ST3GAL4: variants seen among roughly 807,000 people sequenced by gnomAD.
The protein encoded by ST3GAL4 is ST3 beta-galactoside alpha-2,3-sialyltransferase 4.
In ST3GAL4, 24 loss-of-function variants were observed where a neutral mutation model predicts 42.6. The observed-to-expected ratio is 0.56, with a 90% CI of 0.41 to 0.79. ST3GAL4 has a LOEUF of 0.79. ST3GAL4 is among the 30% of genes least tolerant of loss of function. The probability of loss-of-function intolerance (pLI) is 0.00; values close to 1 mark genes in which losing one functional copy is unlikely to be tolerated. For synonymous variants in ST3GAL4, 135 were observed against 163.2 expected, an observed-to-expected ratio of 0.83 and a Z score of 1.32; for missense variants, 311 against 430.8, an observed-to-expected ratio of 0.72 and a Z score of 2.46.
At chr11:126,371,163 CTTTTTTTTTT>C (rs551443393) in intron 1 of ST3GAL4, among the ~76,000 whole-genome samples, 1 of 59,974 alleles carries the variant, frequency 1.7e-5, no homozygotes, top group African/African-American at 7.1e-5. Flanking sequence ...CCCCACATTC[CTTTTTTTTTT>C]TTTTTTTTTG....
chr11:126,390,723 A>T (rs991190518), intron 1 of ST3GAL4, among the ~76,000 whole-genome samples: 1 of 149,666 alleles, frequency 6.7e-6, no homozygotes, highest in Admixed American at 6.8e-5. Flanking sequence ...CTGTGTGTAT[A>T]GTGCAGTGGC....
chr11:126,406,781 C>A lies in ST3GAL4; in HGVS notation c.102-162C>A, dbSNP rs1452929336. On this transcript the variant is annotated intron_variant, in intron 3 of 10. Coordinates refer to ENST00000444328, the MANE Select transcript of ST3GAL4 (RefSeq NM_001254757.2). This position sits in a 1 kb window ranked among gnomAD's most constrained non-coding sequence, Gnocchi z 5.4. ...CCCAGGGAGTGCAGGGGCAGGAAGA[C>A]CTGGATCCTCAAGGACTTGGGTTCC... 1.3e-5 allele frequency: 12 copies of A among 931,182 alleles called. No homozygotes were observed. The highest frequency in any genetic ancestry group is 1.3e-5 in the Non-Finnish European group (8 of 612,936). 57.7% of individuals were successfully genotyped at this position (931,182 alleles called of 1,614,324 possible).
intron 1 of ST3GAL4, among the ~76,000 whole-genome samples, chr11:126,368,882 A>G (rs1255580874): frequency 6.6e-6 from 1 of 152,112 alleles, no homozygotes; most frequent in Non-Finnish European, 1.5e-5. Context: ...GCTAATCTCT[A>G]CAGCACTTTC....
intron 1 of ST3GAL4, among the ~76,000 whole-genome samples, chr11:126,387,260 T>C (rs1953261279): frequency 6.6e-6 from 1 of 152,246 alleles, no homozygotes; most frequent in Admixed American, 6.5e-5. Context: ...AAAGGTCGTT[T>C]GCACTCACAC....
At position 126,413,642 on chromosome 11, in the gene ST3GAL4, C is replaced by T. The variant is rs1320544407; in HGVS notation, c.909C>T (p.Ser303=). The change falls in exon 10 of 11, where the codon TCC becomes TCT. Residue 303 remains serine, a synonymous_variant. Coordinates refer to ENST00000444328, the MANE Select transcript of ST3GAL4 (RefSeq NM_001254757.2). ...IHYYEQITLK[S]MAGSGHNVSQ... is the part of the protein sequence containing the mutation. ...ACTATGAGCAGATCACGCTCAAGTCCATGGCGGTAAGTGCCTGGCTTGTGA... is the reference window on the plus strand; with the variant it reads ...ACTATGAGCAGATCACGCTCAAGTCTATGGCGGTAAGTGCCTGGCTTGTGA... 1.9e-6 allele frequency: 3 copies of T among 1,614,048 alleles called. No homozygotes were observed. The highest frequency in any genetic ancestry group is 2.5e-6 in the Non-Finnish European group (3 of 1,179,996).
At chr11:126,361,070 G>A (rs1591409492) in intron 1 of ST3GAL4, among the ~76,000 whole-genome samples, 1 of 152,106 alleles carries the variant, frequency 6.6e-6, no homozygotes, top group African/African-American at 2.4e-5. Context: ...CCACAGGGTC[G>A]GCTGGCCACA....
At position 126,409,011 on chromosome 11, in the gene ST3GAL4, TCCATGGTTTA is replaced by T. The variant is rs1954397403; in HGVS notation, c.628-256_628-247del. Among the ~76,000 whole-genome samples the T allele has an allele frequency of 6.6e-6, 1 of 152,192 alleles. No individual in the cohort carries two copies. Among genetic ancestry groups the T allele is most frequent in the Non-Finnish European group, 1.5e-5 (1 of 68,034 alleles). ...CCTGTGTGGATGTTCTTGGAAGTGGTCCATGGTTTAGACCCTCCACTCTATACACCTGGTC... is the reference window on the plus strand; with the variant it reads ...CCTGTGTGGATGTTCTTGGAAGTGGTGACCCTCCACTCTATACACCTGGTC... On this transcript the variant is annotated intron_variant, in intron 8 of 10. Transcript: ENST00000444328. The surrounding 1 kb of genome is among the most constrained non-coding windows in gnomAD (Gnocchi z 4.9).
At position 126,409,339 on chromosome 11, in the gene ST3GAL4, C is replaced by A; in HGVS notation, c.699C>A (p.Asn233Lys). Residue 233 changes from asparagine (N) to lysine (K), a missense_variant, in exon 9 of 11, where the codon AAC (asparagine) becomes AAA (lysine). By Grantham distance (94) the Asn-to-Lys change is moderately conservative. Transcript: ENST00000444328. The surrounding 1 kb of genome is among the most constrained non-coding windows in gnomAD (Gnocchi z 4.9). The stretch of plus-strand genomic sequence containing the variant: ...ATCCTAAACAGATTCGGATTCTCAA[C>A]CCCTTCTTCATGGAGATTGCAGCTG... ...DVNPKQIRIL[N>K]PFFMEIAADK... 6.2e-7 allele frequency: 1 copy of A among 1,614,226 alleles called. No homozygotes were observed.
rs565410017 is a variant in ST3GAL4, at chr11:126,359,297, TA to T, written c.-61+3469del. ...TATTAAAAGCCTGGCCCAATAAACT[TA>T]AAAAAAAAAAAAAGATGTGCTAGAC... On this transcript the variant is annotated intron_variant, in intron 1 of 10. Coordinates refer to ENST00000444328, the MANE Select transcript of ST3GAL4 (RefSeq NM_001254757.2). The surrounding 1 kb of genome is among the most constrained non-coding windows in gnomAD (Gnocchi z 4.8). 7.8e-3 allele frequency among the ~76,000 whole-genome samples: 1,099 copies of T among 140,632 alleles called. 1 individual carries two copies. The highest frequency in any genetic ancestry group is 9.8e-3 in the Non-Finnish European group (627 of 64,068). The allele number at this position is 140,632 out of a possible 152,430, so 92.3% of individuals were successfully genotyped here.
At position 126,363,743 on chromosome 11, in the gene ST3GAL4, CTT is replaced by C. The variant is rs1349303558; in HGVS notation, c.-61+7902_-61+7903del. Among the ~76,000 whole-genome samples the C allele has an allele frequency of 1.3e-5, 2 of 152,202 alleles. No individual in the cohort carries two copies. Among genetic ancestry groups the C allele is most frequent in the Non-Finnish European group, 2.9e-5 (2 of 68,024 alleles). On this transcript the variant is annotated intron_variant, in intron 1 of 10. Coordinates refer to ENST00000444328, the MANE Select transcript of ST3GAL4 (RefSeq NM_001254757.2). The surrounding 1 kb of genome is among the most constrained non-coding windows in gnomAD (Gnocchi z 4.6). ...ACCTGAACCCTCCACCCTCCTCTCT[CTT>C]GAGCTCTTTCTCCCAGGGGAAGCTG... is the stretch of plus-strand genomic sequence containing the variant.
rs555032192 is a variant in ST3GAL4, at chr11:126,406,103, G to C, written c.-53G>C. 2 of 1,551,596 alleles carry C rather than the reference G, an allele frequency of 1.3e-6. No individual in the cohort carries two copies. The highest frequency in any genetic ancestry group is 8.7e-7 in the Non-Finnish European group (1 of 1,147,024). On this transcript the variant is annotated 5_prime_UTR_variant, in exon 2 of 11. Coordinates refer to ENST00000444328, the MANE Select transcript of ST3GAL4 (RefSeq NM_001254757.2). This position sits in a 1 kb window ranked among gnomAD's most constrained non-coding sequence, Gnocchi z 5.4. The stretch of plus-strand genomic sequence containing the variant: ...GTGGCTCTTATTTCCTAGGTGGCCC[G>C]AGGCAGCCGGGATGACAGCTCTCCC...
At chr11:126,369,931 T>C (rs1952580594) in intron 1 of ST3GAL4, among the ~76,000 whole-genome samples, 1 of 152,232 alleles carries the variant, frequency 6.6e-6, no homozygotes, top group Non-Finnish European at 1.5e-5. Flanking sequence ...ACCTGCCTTT[T>C]ACATCTTAAT....
Position 126,398,077 on chromosome 11 carries a change from T to C in ST3GAL4, c.-60-8019T>C, listed in dbSNP as rs753874262. Among the ~76,000 whole-genome samples, 2 of 152,224 alleles carry C rather than the reference T, an allele frequency of 1.3e-5. No homozygotes were observed. Among genetic ancestry groups the C allele is most frequent in the Non-Finnish European group, 2.9e-5 (2 of 68,042 alleles). On this transcript the variant is annotated intron_variant, in intron 1 of 10. Coordinates refer to ENST00000444328, the MANE Select transcript of ST3GAL4 (RefSeq NM_001254757.2). The surrounding 1 kb of genome is among the most constrained non-coding windows in gnomAD (Gnocchi z 4.7). Reference sequence around the variant, plus strand: ...TCTTACCTATAATCCCAAATTCTTATTTGTTTCAGCACCACATTAAAAGTC... The same window carrying C: ...TCTTACCTATAATCCCAAATTCTTACTTGTTTCAGCACCACATTAAAAGTC...
In ST3GAL4 at chr11:126,392,332, AT is replaced by A; in HGVS notation, c.-60-13763del. 1.0e-6 allele frequency: 1 copy of A among 985,892 alleles called. No homozygotes were observed. 61.1% of individuals were successfully genotyped at this position (985,892 alleles called of 1,614,324 possible). A position where few individuals can be genotyped will look rare whatever the true frequency, so the allele number is the denominator to read the frequency against. On this transcript the variant is annotated intron_variant, in intron 1 of 10. Coordinates refer to ENST00000444328, the MANE Select transcript of ST3GAL4 (RefSeq NM_001254757.2). The surrounding 1 kb of genome is among the most constrained non-coding windows in gnomAD (Gnocchi z 5.8). The stretch of plus-strand genomic sequence containing the variant: ...TTTACTGTCGGACATCAGTTCTGAT[AT>A]GGTGCAGCAGACATGGAGCTGGTAA...
At chr11:126,370,355 G>C (rs1470271397) in intron 1 of ST3GAL4, among the ~76,000 whole-genome samples, 1 of 152,152 alleles carries the variant, frequency 6.6e-6, no homozygotes, top group Non-Finnish European at 1.5e-5. Flanking sequence ...AACCACACCG[G>C]AAGTTTTAAA....
chr11:126,404,878 A>G (rs887544088), intron 1 of ST3GAL4, among the ~76,000 whole-genome samples: 2 of 152,248 alleles, frequency 1.3e-5, no homozygotes, highest in African/African-American at 4.8e-5. Flanking sequence ...TGACTCCACC[A>G]TAGGACAGGG....
Position 126,373,678 on chromosome 11 carries a change from G to A in ST3GAL4, c.-61+17836G>A, listed in dbSNP as rs1051223552. Among the ~76,000 whole-genome samples, 1 of 152,110 alleles carries A rather than the reference G, an allele frequency of 6.6e-6. No individual in the cohort carries two copies. Among genetic ancestry groups the A allele is most frequent in the Non-Finnish European group, 1.5e-5 (1 of 68,032 alleles). On this transcript the variant is annotated intron_variant, in intron 1 of 10. Transcript: ENST00000444328. The surrounding 1 kb of genome is among the most constrained non-coding windows in gnomAD (Gnocchi z 5.5). ...GAACAGAGAGACTTCTTTTGCTGTA[G>A]GTGGAAGCCTGTCTGGCTCCTTTCC...
At position 126,383,206 on chromosome 11, in the gene ST3GAL4, ATCTT is replaced by A. The variant is rs1468683744; in HGVS notation, c.-60-22886_-60-22883del. Among the ~76,000 whole-genome samples, 1 of 152,162 alleles carries A rather than the reference ATCTT, an allele frequency of 6.6e-6. No individual in the cohort carries two copies. The highest frequency in any genetic ancestry group is 1.5e-5 in the Non-Finnish European group (1 of 67,990). On this transcript the variant is annotated intron_variant, in intron 1 of 10. Transcript: ENST00000444328. The surrounding 1 kb of genome is among the most constrained non-coding windows in gnomAD (Gnocchi z 4.5). The stretch of plus-strand genomic sequence containing the variant: ...GCTGGGTCTCCTCTCAGGTGCCAGA[ATCTT>A]TCTGGGAGCTGAGCCTGGCTGGGCA...
intron 1 of ST3GAL4, among the ~76,000 whole-genome samples, chr11:126,387,483 G>A (rs1953272879): frequency 2.0e-5 from 3 of 152,042 alleles, no homozygotes; most frequent in Admixed American, 1.3e-4. Context: ...TTTGAGACCA[G>A]CCTGTTCAAC....
Sources: allele counts gnomAD v4.1 joint callset (sites outside exome capture counted in the v4.1 genomes callset), GRCh38; gene constraint gnomAD v4.1.1; non-coding constraint Gnocchi (gnomAD v3.1); transcripts MANE v1.5; gene names NCBI Gene and HGNC (gene_info 2026-07-23, HGNC 2026-07-21).